The following SERPINB8 variants were observed in gnomAD, a reference collection of about 807,000 sequenced individuals.
SERPINB8 encodes serpin family B member 8, also known as serpin B8.
Under a neutral mutation model 35.3 loss-of-function variants are expected in SERPINB8, and 25 were observed. The observed-to-expected ratio is 0.71, with a 90% CI of 0.52 to 0.99. SERPINB8 has a LOEUF of 0.99. SERPINB8 is among the 50% of genes least tolerant of loss of function. SERPINB8 has a pLI of 0.00. For synonymous variants in SERPINB8, 186 were observed against 160.8 expected (o/e 1.16, Z -1.19); for missense variants, 484 against 446.5 (o/e 1.08, Z -0.76).
Position 63,970,148 on chromosome 18 carries a change from G to A in SERPINB8, c.-33G>A, listed in dbSNP as rs1260597955. ...AAGCAGCAGCGGCGGCGGCGGCGGCGGCAGCAGCAGCAGCAGCAGGAGGTG... is the reference window on the plus strand; with the variant it reads ...AAGCAGCAGCGGCGGCGGCGGCGGCAGCAGCAGCAGCAGCAGCAGGAGGTG... On this transcript the variant is annotated 5_prime_UTR_variant, in exon 1 of 7. Transcript: ENST00000397985. The A allele has an allele frequency of 2.8e-5, 10 of 358,664 alleles. No individual in the cohort carries two copies. The highest frequency in any genetic ancestry group is 3.3e-5 in the Admixed American group (1 of 30,288). 22.2% of individuals were successfully genotyped at this position (358,664 alleles called of 1,614,324 possible).
intron 1 of SERPINB8, chr18:64,004,741 C>T: frequency 2.5e-6 from 1 of 397,846 alleles, no homozygotes; most frequent in South Asian, 1.3e-4. Flanking sequence ...TCTACAGAAA[C>T]TTTAAAGGAA....
At chr18:63,983,819 G>T in intron 5 of SERPINB8, 98 bp downstream of exon 5, 3 of 857,038 alleles carry the variant, frequency 3.5e-6, no homozygotes, top group Non-Finnish European at 5.5e-6. Context: ...ACATGATCTT[G>T]ATTTTAATCT....
chr18:63,974,389 A>G (rs1254094718), intron 1 of SERPINB8, among the ~76,000 whole-genome samples: 2 of 151,964 alleles, frequency 1.3e-5, no homozygotes, highest in African/African-American at 4.8e-5. Context: ...GGGATGGGGG[A>G]GTGGAGGAGG....
downstream of SERPINB8, among the ~76,000 whole-genome samples, chr18:63,992,876 C>T (rs142492133): frequency 2.2e-4 from 33 of 152,226 alleles, no homozygotes; most frequent in African/African-American, 6.7e-4. Flanking sequence ...GTCAGTCGGC[C>T]GTTTGGTTCA....
chr18:64,012,434 G>A (rs115420361), intron 7 of SERPINB8, among the ~76,000 whole-genome samples: 1,613 of 151,936 alleles, frequency 0.011, 28 homozygotes, highest in African/African-American at 0.037. Context: ...CAACTTTTCT[G>A]TTTTCCATTC....
downstream of SERPINB8, among the ~76,000 whole-genome samples, chr18:64,007,136 A>C (rs1315138191): frequency 6.6e-6 from 1 of 152,148 alleles, no homozygotes; most frequent in Non-Finnish European, 1.5e-5. Context: ...AAAATGAAAA[A>C]GGAGACATAA....
intron 1 of SERPINB8, among the ~76,000 whole-genome samples, chr18:63,973,998 A>C (rs899286848): frequency 6.6e-6 from 1 of 152,126 alleles, no homozygotes. Flanking sequence ...ATGAACTTTA[A>C]AGTAGTTTTT....
chr18:64,010,944 C>CAT lies in SERPINB8; in HGVS notation c.*2+6079_*2+6080dup, dbSNP rs10540776. ...AGATGTTTATTCAACTTACTATTAA[C>CAT]ATATATATATATATATGTATATATA... On this transcript the variant is annotated intron_variant, in intron 7 of 7. Coordinates refer to the SERPINB8 transcript ENST00000636430. Among the ~76,000 whole-genome samples the CAT allele has an allele frequency of 9.9e-4, 147 of 149,130 alleles. 3 individuals are homozygous for CAT. In the East Asian group the frequency reaches 1.0e-2, roughly 10 times the overall value.
At chr18:64,010,100 A>T (rs2050919214), downstream of SERPINB8, among the ~76,000 whole-genome samples, 1 of 152,158 alleles carries the variant, frequency 6.6e-6, no homozygotes, top group Admixed American at 6.6e-5. Context: ...AAAGGCAAAC[A>T]ACCACATTGA....
chr18:64,011,660 A>G (rs117783856), intron 7 of SERPINB8, among the ~76,000 whole-genome samples: 373 of 152,260 alleles, frequency 2.4e-3, no homozygotes, highest in Non-Finnish European at 4.3e-3. Context: ...TTTTGAAACA[A>G]TGTATTGTTA....
At chr18:64,009,337 A>G (rs2050915134), downstream of SERPINB8, among the ~76,000 whole-genome samples, 1 of 152,234 alleles carries the variant, frequency 6.6e-6, no homozygotes, top group East Asian at 1.9e-4. Flanking sequence ...AACTTGAAAA[A>G]TGTATTTAAA....
At chr18:63,982,190 A>G (rs1482005421) in intron 4 of SERPINB8, among the ~76,000 whole-genome samples, 1 of 152,182 alleles carries the variant, frequency 6.6e-6, no homozygotes, top group Admixed American at 6.5e-5. Flanking sequence ...AGAGGGCAAC[A>G]TTTCATGCTC....
chr18:64,001,451 C>A (rs1476999253), intron 1 of SERPINB8, among the ~76,000 whole-genome samples: 1 of 137,896 alleles, frequency 7.3e-6, no homozygotes, highest in African/African-American at 2.7e-5. Context: ...ATTCTGCTTT[C>A]TTTTCTTTTC....
Position 63,979,987 on chromosome 18 carries a change from A to G in SERPINB8, c.306+49A>G, listed in dbSNP as rs765365736. 66 of 1,576,322 alleles carry G rather than the reference A, an allele frequency of 4.2e-5. 1 individual carries two copies. In the Middle Eastern group the frequency reaches 1.5e-3, roughly 36 times the overall value. On this transcript the variant is annotated intron_variant, in intron 3 of 6. Coordinates refer to ENST00000397985, the MANE Select transcript of SERPINB8 (RefSeq NM_002640.4). ...GACAAAGAAATTGAAAGTAAGTTAG[A>G]CTACAGAAGAGCAGATAATAAAGTA...
rs531631564 is a variant in SERPINB8 at position 63,986,703 on chromosome 18, G to A, written c.721-171G>A. 13 of 1,406,572 alleles carry A rather than the reference G, an allele frequency of 9.2e-6. No homozygotes were observed. The East Asian group carries it at 3.2e-4, about 34-fold the overall frequency. 87.1% of individuals were successfully genotyped at this position (1,406,572 alleles called of 1,614,324 possible). On this transcript the variant is annotated intron_variant, in intron 6 of 6. Coordinates refer to ENST00000397985, the MANE Select transcript of SERPINB8 (RefSeq NM_002640.4). Reference sequence around the variant, plus strand: ...TGTCTCCATAAAACTGTGAAAAGATGAAAATTTGGGAGAAAATCTTGGTGT... The same window carrying A: ...TGTCTCCATAAAACTGTGAAAAGATAAAAATTTGGGAGAAAATCTTGGTGT...
At chr18:63,970,245 T>A (rs1481147356) in intron 1 of SERPINB8, 75 bp downstream of exon 1, 2 of 216,904 alleles carry the variant, frequency 9.2e-6, no homozygotes, top group Non-Finnish European at 1.9e-5. Context: ...ACCTCTTCCC[T>A]GGAGTGCGTG....
chr18:64,000,537 G>A (rs953649956), intron 1 of SERPINB8, among the ~76,000 whole-genome samples: 3 of 152,092 alleles, frequency 2.0e-5, no homozygotes, highest in Non-Finnish European at 4.4e-5. Flanking sequence ...TTGTGATCTC[G>A]GGAGGGAGGC....
chr18:63,978,215 C>T lies in SERPINB8; in HGVS notation c.-10-84C>T, dbSNP rs574184741. On this transcript the variant is annotated intron_variant, in intron 1 of 6. Coordinates refer to ENST00000397985, the MANE Select transcript of SERPINB8 (RefSeq NM_002640.4). ...GTGGTTCTTCCACCTACCACCTCAG[C>T]GTCCACTGACTGGGGGATGAATGAC... The T allele has an allele frequency of 4.3e-5, 62 of 1,448,896 alleles. No homozygotes were observed. In the East Asian group the frequency reaches 7.0e-4, roughly 16 times the overall value. The allele number at this position is 1,448,896 out of a possible 1,614,324, so 89.8% of individuals were successfully genotyped here. A position where few individuals can be genotyped will look rare whatever the true frequency, so the allele number is the denominator to read the frequency against.
At chr18:64,005,759 T>G (rs746231238), downstream of SERPINB8, 6 of 152,144 alleles carry the variant, frequency 3.9e-5, no homozygotes, top group African/African-American at 1.4e-4. Flanking sequence ...GGGAGAGAGA[T>G]CAGATCTCAG....
Sources: gnomAD v4.1 joint callset for allele counts (sites outside exome capture counted in the v4.1 genomes callset) on GRCh38, gnomAD v4.1.1 for gene constraint, MANE v1.5 for transcripts, NCBI Gene and HGNC (gene_info 2026-07-23, HGNC 2026-07-21) for gene names.